Variants in STX18 observed in about 807,000 individuals in gnomAD.
The protein encoded by STX18 is syntaxin 18, also known as syntaxin-18.
STX18 carries 40 observed loss-of-function variants against 50.1 expected under a neutral mutation model. The ratio of observed to expected loss-of-function variants is 0.80; its 90% CI spans 0.62 to 1.04. The LOEUF (loss-of-function observed/expected upper bound fraction) is 1.04. STX18 is among the 50% of genes least tolerant of loss of function. The probability of loss-of-function intolerance (pLI) is 0.00; values close to 1 mark genes in which losing one functional copy is unlikely to be tolerated. For synonymous variants in STX18, 158 were observed against 151.8 expected, an observed-to-expected ratio of 1.04 and a Z score of -0.30; for missense variants, 410 against 415.8, an observed-to-expected ratio of 0.99 and a Z score of 0.12.
chr4:4,498,553 T>C (rs961272776), intron 1 of STX18, among the ~76,000 whole-genome samples: 3 of 152,214 alleles, frequency 2.0e-5, no homozygotes, highest in African/African-American at 7.2e-5. Context: ...GTTTGGATTA[T>C]CTATATCATT....
chr4:4,442,520 G>A (rs1450739814), intron 5 of STX18, among the ~76,000 whole-genome samples: 1 of 152,154 alleles, frequency 6.6e-6, no homozygotes, highest in Non-Finnish European at 1.5e-5. Flanking sequence ...AGGAGGCTGA[G>A]GTGGGAGAAT....
chr4:4,439,018 A>G lies in STX18; in HGVS notation c.498-509T>C, dbSNP rs554417692. Among the ~76,000 whole-genome samples the G allele has an allele frequency of 3.0e-3, 443 of 148,172 alleles. 3 individuals are homozygous for G. Among genetic ancestry groups the G allele is most frequent in the African/African-American group, 0.01 (410 of 39,954 alleles). On this transcript the variant is annotated intron_variant, in intron 5 of 10. Coordinates refer to ENST00000306200, the MANE Select transcript of STX18 (RefSeq NM_016930.4). ...CACACCACACACACACATATATACC[A>G]CATATATATACCCATGCACACATAT...
At chr4:4,452,853 T>C (rs1726835104) in intron 5 of STX18, among the ~76,000 whole-genome samples, 2 of 152,168 alleles carry the variant, frequency 1.3e-5, no homozygotes, top group Non-Finnish European at 2.9e-5. Context: ...GAGGTCAAAA[T>C]ATCAACTTTA....
chr4:4,481,405 T>C (rs1384942355), intron 1 of STX18, among the ~76,000 whole-genome samples: 1 of 152,176 alleles, frequency 6.6e-6, no homozygotes, highest in East Asian at 1.9e-4. Flanking sequence ...TTGTTCAAGA[T>C]TAAAGAGACT....
upstream of STX18, chr4:4,542,232 G>T (rs948432630): frequency 2.5e-4 from 97 of 394,038 alleles, no homozygotes; most frequent in Middle Eastern, 2.6e-3. Context: ...GGGTTTAGCT[G>T]CGCGGAGAGC....
chr4:4,518,267 T>TA (rs1730370488), intron 1 of STX18, among the ~76,000 whole-genome samples: 1 of 152,206 alleles, frequency 6.6e-6, no homozygotes, highest in African/African-American at 2.4e-5. Context: ...ATTAAGTGAC[T>TA]AAAAGCACAG....
chr4:4,536,508 G>A (rs1269068280), intron 1 of STX18, among the ~76,000 whole-genome samples: 2 of 152,204 alleles, frequency 1.3e-5, no homozygotes, highest in Non-Finnish European at 2.9e-5. Flanking sequence ...AGAGACCTGA[G>A]GAACTGAGAG....
chr4:4,516,430 G>A (rs955236062), intron 1 of STX18, among the ~76,000 whole-genome samples: 4 of 152,150 alleles, frequency 2.6e-5, no homozygotes, highest in South Asian at 2.1e-4. Flanking sequence ...GCTACATCTC[G>A]TACATATTTT....
chr4:4,528,895 T>C (rs1024420023), intron 1 of STX18, among the ~76,000 whole-genome samples: 15 of 152,340 alleles, frequency 9.8e-5, no homozygotes, highest in African/African-American at 3.4e-4. Flanking sequence ...GACCATTTAA[T>C]GAACAAATAA....
chr4:4,439,505 C>T (rs1208626463), intron 5 of STX18, among the ~76,000 whole-genome samples: 1 of 137,038 alleles, frequency 7.3e-6, no homozygotes, highest in Non-Finnish European at 1.5e-5. Flanking sequence ...CATATATACC[C>T]CCACATATAC....
intron 5 of STX18, among the ~76,000 whole-genome samples, chr4:4,443,444 A>G (rs1260388450): frequency 2.6e-5 from 4 of 152,266 alleles, no homozygotes; most frequent in East Asian, 3.8e-4. Context: ...AGTTAGCATC[A>G]TACTTTATGA....
chr4:4,510,195 C>T (rs1458859943), intron 1 of STX18, among the ~76,000 whole-genome samples: 1 of 152,138 alleles, frequency 6.6e-6, no homozygotes, highest in Non-Finnish European at 1.5e-5. Context: ...CAAAGAGAAA[C>T]TCAGCTTCAC....
At chr4:4,511,713 A>AGTGT (rs3038434) in intron 1 of STX18, among the ~76,000 whole-genome samples, 11,908 of 137,362 alleles carry the variant, frequency 0.087, 638 homozygotes, top group Non-Finnish European at 0.11. Context: ...ACTCATGATT[A>AGTGT]GTGTGTGTGT....
At chr4:4,495,253 T>C (rs1729115496) in intron 1 of STX18, among the ~76,000 whole-genome samples, 1 of 152,250 alleles carries the variant, frequency 6.6e-6, no homozygotes, top group African/African-American at 2.4e-5. Context: ...ATATAAGTTC[T>C]AGGCTAATAT....
At chr4:4,520,089 G>T (rs1234206570) in intron 1 of STX18, among the ~76,000 whole-genome samples, 1 of 152,202 alleles carries the variant, frequency 6.6e-6, no homozygotes, top group Non-Finnish European at 1.5e-5. Flanking sequence ...CATTGGAAGA[G>T]AATTGAAGTG....
intron 1 of STX18, among the ~76,000 whole-genome samples, chr4:4,477,060 A>G (rs1246330377): frequency 6.6e-6 from 1 of 151,944 alleles, no homozygotes. Context: ...AAAAAAAACC[A>G]AAAAACCAAA....
intron 1 of STX18, among the ~76,000 whole-genome samples, chr4:4,484,986 A>T (rs1356164008): frequency 2.6e-5 from 4 of 152,218 alleles, no homozygotes; most frequent in African/African-American, 9.6e-5. Context: ...CCAACTTCGC[A>T]CTGCTTTGCG....
At chr4:4,426,907 A>G (rs1725268446) in intron 7 of STX18, among the ~76,000 whole-genome samples, 1 of 152,130 alleles carries the variant, frequency 6.6e-6, no homozygotes, top group Non-Finnish European at 1.5e-5. Flanking sequence ...CTGCTCTGAC[A>G]GGCTAGTTTC....
chr4:4,531,771 C>T (rs1269881816), intron 1 of STX18, among the ~76,000 whole-genome samples: 2 of 152,212 alleles, frequency 1.3e-5, no homozygotes, highest in Non-Finnish European at 2.9e-5. Context: ...AGTCCTAAAA[C>T]ATTTAATACT....
Sources: gnomAD v4.1 joint callset for allele counts (sites outside exome capture counted in the v4.1 genomes callset) on GRCh38, gnomAD v4.1.1 for gene constraint, MANE v1.5 for transcripts, NCBI Gene and HGNC (gene_info 2026-07-23, HGNC 2026-07-21) for gene names.